Variants in ARMC9 observed in about 807,000 individuals in gnomAD.
The protein encoded by ARMC9 is lisH domain-containing protein ARMC9.
Under a neutral mutation model 107.0 loss-of-function variants are expected in ARMC9, and 94 were observed. That is an observed-to-expected ratio of 0.88 (90% CI 0.74 to 1.04). ARMC9 has a LOEUF of 1.04. Among genes scored for constraint, ARMC9 ranks in the 50% least tolerant of loss-of-function variants. The pLI, the probability that ARMC9 is intolerant of heterozygous loss-of-function variation, is 0.00. For synonymous variants in ARMC9, 380 were observed against 396.9 expected (o/e 0.96, Z 0.51); for missense variants, 942 against 1,030.1 (o/e 0.91, Z 1.17).
chr2:231,248,185 T>C (rs145325905), intron 9 of ARMC9, among the ~76,000 whole-genome samples: 83 of 152,324 alleles, frequency 5.4e-4, no homozygotes, highest in African/African-American at 1.9e-3. Context: ...TTCTCTGTCC[T>C]TTGCCTGGTA....
intron 21 of ARMC9, among the ~76,000 whole-genome samples, chr2:231,346,806 A>G (rs1259843385): frequency 6.6e-6 from 1 of 152,194 alleles, no homozygotes; most frequent in Non-Finnish European, 1.5e-5. Context: ...GTTTTCATCC[A>G]GGAATACGGT....
At chr2:231,225,626 A>G (rs1390382760) in intron 6 of ARMC9, among the ~76,000 whole-genome samples, 1 of 152,206 alleles carries the variant, frequency 6.6e-6, no homozygotes, top group African/African-American at 2.4e-5. Context: ...AGTGGCAGGG[A>G]CCAGGTATTA....
At position 231,376,257 on chromosome 2, in the gene ARMC9, G is replaced by T. The variant is rs2046193498; in HGVS notation, c.*4722G>T. 2.0e-5 allele frequency among the ~76,000 whole-genome samples: 3 copies of T among 152,194 alleles called. No individual in the cohort carries two copies. Among genetic ancestry groups the T allele is most frequent in the Admixed American group, 2.0e-4 (3 of 15,278 alleles). ...AACAGCAATTGTTCAGGGAATAAGA[G>T]AGATAACCTTAAACTCTGACCACTG... On this transcript the variant is annotated 3_prime_UTR_variant, in exon 25 of 25. Coordinates refer to ENST00000611582, the MANE Select transcript of ARMC9 (RefSeq NM_001352754.2).
At position 231,360,925 on chromosome 2, in the gene ARMC9, C is replaced by A; in HGVS notation, c.2261+42C>A. ...AAGGCCTCGAACCTGACTCTCGGAG[C>A]TCTGGGAGTGGGCGCCCCACGCCGG... On this transcript the variant is annotated intron_variant, in intron 23 of 24. Transcript: ENST00000611582. This position sits in a 1 kb window ranked among gnomAD's most constrained non-coding sequence, Gnocchi z 4.7. The A allele has an allele frequency of 1.4e-6, 2 of 1,474,242 alleles. No individual in the cohort carries two copies. Among genetic ancestry groups the A allele is most frequent in the South Asian group, 1.4e-5 (1 of 72,884 alleles). 91.3% of individuals were successfully genotyped at this position (1,474,242 alleles called of 1,614,324 possible).
intron 23 of ARMC9, among the ~76,000 whole-genome samples, chr2:231,369,593 A>G (rs375250144): frequency 0.015 from 1,953 of 128,532 alleles, 41 homozygotes; most frequent in African/African-American, 0.062. Flanking sequence ...ATGCTCAGCC[A>G]GTTTCTTTTT....
chr2:231,211,696 T>A (rs2032887285), intron 3 of ARMC9, among the ~76,000 whole-genome samples: 1 of 152,214 alleles, frequency 6.6e-6, no homozygotes, highest in Admixed American at 6.5e-5. Flanking sequence ...AAAGTGGTTA[T>A]ACTATTTTCC....
chr2:231,232,153 G>A (rs543582884), intron 7 of ARMC9, among the ~76,000 whole-genome samples: 5 of 151,230 alleles, frequency 3.3e-5, no homozygotes, highest in Non-Finnish European at 7.4e-5. Flanking sequence ...AGCCTCCTGA[G>A]TAGCTGGGAC....
chr2:231,317,404 G>A (rs2042761461), intron 19 of ARMC9, among the ~76,000 whole-genome samples: 1 of 152,100 alleles, frequency 6.6e-6, no homozygotes, highest in Admixed American at 6.6e-5. Flanking sequence ...CACCCGACCT[G>A]AGGCAATCCT....
chr2:231,307,421 G>A (rs1197273359), intron 19 of ARMC9, among the ~76,000 whole-genome samples: 1 of 152,152 alleles, frequency 6.6e-6, no homozygotes, highest in Non-Finnish European at 1.5e-5. Context: ...GCTCTGGATT[G>A]GTTGATTTGT....
At position 231,271,170 on chromosome 2, in the gene ARMC9, C is replaced by T. The variant is rs116226388; in HGVS notation, c.1210+98C>T. ...TTCCTCCCAAGTTTCTTAGAGATGA[C>T]GCTTCCTCAGTTTGTTACCGTTTAA... On this transcript the variant is annotated intron_variant, in intron 13 of 24. Coordinates refer to ENST00000611582, the MANE Select transcript of ARMC9 (RefSeq NM_001352754.2). The T allele has an allele frequency of 8.1e-4, 935 of 1,147,576 alleles. 4 individuals are homozygous for T. The African/African-American group carries it at 0.013, about 16-fold the overall frequency. 71.1% of individuals were successfully genotyped at this position (1,147,576 alleles called of 1,614,324 possible).
At chr2:231,253,867 G>A (rs1289685513) in intron 9 of ARMC9, among the ~76,000 whole-genome samples, 1 of 152,216 alleles carries the variant, frequency 6.6e-6, no homozygotes, top group African/African-American at 2.4e-5. Context: ...GTGTAAAGCA[G>A]CTGGTGTCAG....
At chr2:231,329,604 C>T (rs528968055) in intron 19 of ARMC9, among the ~76,000 whole-genome samples, 24 of 152,290 alleles carry the variant, frequency 1.6e-4, no homozygotes, top group South Asian at 8.3e-4. Context: ...CCACCGCGCC[C>T]GGCAGATTTC....
chr2:231,202,739 TAAAG>T (rs757606808), intron 1 of ARMC9, among the ~76,000 whole-genome samples: 1 of 152,134 alleles, frequency 6.6e-6, no homozygotes, highest in African/African-American at 2.4e-5. Context: ...CTGTAAGAAT[TAAAG>T]AAAGAGGAGA....
rs1258369466 is a variant in ARMC9, at chr2:231,327,197, G to A, written c.1774-4596G>A. On this transcript the variant is annotated intron_variant, in intron 19 of 24. Transcript: ENST00000611582. ...ACGCTCCCCCATGATTGTGTGTGCC[G>A]TTCGGTCGGCGTTCGAGTATACAGA... Among the ~76,000 whole-genome samples the A allele has an allele frequency of 8.5e-5, 13 of 152,316 alleles. No individual in the cohort carries two copies. In the East Asian group the frequency reaches 1.3e-3, roughly 16 times the overall value.
chr2:231,324,603 T>C (rs898402671), intron 19 of ARMC9, among the ~76,000 whole-genome samples: 2 of 150,754 alleles, frequency 1.3e-5, no homozygotes, highest in Non-Finnish European at 3.0e-5. Context: ...AATACAAAAT[T>C]AGTAGTGGCG....
At position 231,276,492 on chromosome 2, in the gene ARMC9, A is replaced by C. The variant is rs537914301; in HGVS notation, c.1335-144A>C. 1.0e-3 allele frequency: 1,118 copies of C among 1,093,214 alleles called. 20 individuals are homozygous for C. The South Asian group carries it at 0.016, about 16-fold the overall frequency. 67.7% of individuals were successfully genotyped at this position (1,093,214 alleles called of 1,614,324 possible). On this transcript the variant is annotated intron_variant, in intron 14 of 24. Coordinates refer to ENST00000611582, the MANE Select transcript of ARMC9 (RefSeq NM_001352754.2). ...ACCATGTTGGCCAGGCTTGTCTCCA[A>C]CTCCTGACCTCAGGTGATCCGTCCG...
At chr2:231,256,734 C>A in intron 10 of ARMC9, 114 bp downstream of exon 10, 4 of 1,095,628 alleles carry the variant, frequency 3.7e-6, no homozygotes, top group Non-Finnish European at 5.6e-6. Flanking sequence ...TGCCTTTGAG[C>A]TAGAGCTACA....
chr2:231,214,424 C>T (rs147516327), intron 3 of ARMC9, among the ~76,000 whole-genome samples: 14 of 152,280 alleles, frequency 9.2e-5, no homozygotes, highest in South Asian at 2.1e-4. Context: ...ACCTTCCATG[C>T]CTGTGAGGTT....
rs185510701 is a variant in ARMC9, at chr2:231,215,695, G to A, written c.348+694G>A. 2.0e-3 allele frequency among the ~76,000 whole-genome samples: 310 copies of A among 152,302 alleles called. 1 individual carries two copies. The highest frequency in any genetic ancestry group is 3.7e-3 in the Non-Finnish European group (250 of 68,032). On this transcript the variant is annotated intron_variant, in intron 4 of 24. Transcript: ENST00000611582. ...ACAGAAGGGCAGCAGAGGCAAGCTGGCATTTGACCCCGTGCATTAATGACT... is the reference window on the plus strand; with the variant it reads ...ACAGAAGGGCAGCAGAGGCAAGCTGACATTTGACCCCGTGCATTAATGACT...
Sources: gnomAD v4.1 joint callset for allele counts (sites outside exome capture counted in the v4.1 genomes callset) on GRCh38, gnomAD v4.1.1 for gene constraint, Gnocchi (gnomAD v3.1) non-coding constraint, MANE v1.5 for transcripts, NCBI Gene and HGNC (gene_info 2026-07-23, HGNC 2026-07-21) for gene names.